The following WBP11 variants were observed in gnomAD, a reference collection of about 807,000 sequenced individuals.
WBP11 encodes WW domain binding protein 11.
In WBP11, 12 loss-of-function variants were observed where a neutral mutation model predicts 66.7. The ratio of observed to expected loss-of-function variants is 0.18; its 90% confidence interval spans 0.12 to 0.29. The LOEUF (loss-of-function observed/expected upper bound fraction) is 0.29, where lower values mean the gene tolerates loss of function less well. WBP11 is among the 10% of genes least tolerant of loss of function. WBP11 has a pLI of 1.00. For missense variants in WBP11, 555 were observed against 818.3 expected (o/e 0.68, Z 3.93); for synonymous variants, 255 against 273.8 (o/e 0.93, Z 0.68).
chr12:14,793,623 C>T (rs1436173926), intron 8 of WBP11, 108 bp downstream of exon 8: 3 of 1,343,734 alleles, frequency 2.2e-6, no homozygotes, highest in South Asian at 1.5e-5. Context: ...GCTATGATCC[C>T]GACTTCCAAA....
rs749762179 is a variant in WBP11, at chr12:14,787,133, G to A, written c.1858C>T (p.Pro620Ser). The A allele has an allele frequency of 1.2e-6, 2 of 1,613,658 alleles. No individual in the cohort carries two copies. The highest frequency in any genetic ancestry group is 2.2e-5 in the East Asian group (1 of 44,876). ...KAAPKSGPSV[P>S]VSVQTKDDVY... ...TCATCCTTAGTTTGTACTGAGACAGGAACAGAAGGACCAGATTTGGGTGCT... is the reference window on the plus strand; with the variant it reads ...TCATCCTTAGTTTGTACTGAGACAGAAACAGAAGGACCAGATTTGGGTGCT... The change falls in exon 12 of 12, where the codon CCT becomes TCT. Residue 620 changes from proline (P) to serine (S), a missense_variant. Physicochemically the swap from Pro to Ser is moderately conservative, Grantham distance 74. Coordinates refer to ENST00000261167, the MANE Select transcript of WBP11 (RefSeq NM_016312.3).
rs150386831 is a variant in WBP11 at position 14,790,525 on chromosome 12, C to G, written c.1240G>C (p.Gly414Arg). ...APPMPGPPPLGPPPAPPLRPP... is the reference protein window; with the variant it reads ...APPMPGPPPLRPPPAPPLRPP... ...CGTAATGGTGGAGCAGGTGGTGGTC[C>G]AAGAGGTGGTGGTCCTGGCATGGGA... Residue 414 changes from glycine (G) to arginine (R), a missense_variant, in exon 10 of 12, where the codon GGA becomes CGA. Physicochemically the swap from Gly to Arg is moderately radical, Grantham distance 125. Transcript: ENST00000261167. The G allele has an allele frequency of 6.8e-5, 109 of 1,613,818 alleles. No homozygotes were observed. Among genetic ancestry groups the G allele is most frequent in the Admixed American group, 2.3e-4 (14 of 59,996 alleles).
intron 6 of WBP11, 23 bp from the exon 7 acceptor site, chr12:14,794,759 C>CA: frequency 1.3e-6 from 2 of 1,530,820 alleles, no homozygotes; most frequent in Non-Finnish European, 8.7e-7. Flanking sequence ...AAAACAAAAA[C>CA]AAAAAAACCC....
In WBP11 at chr12:14,794,929, G is replaced by A. The variant is rs1949873097; in HGVS notation, c.521+42C>T. 5 of 1,612,018 alleles carry A rather than the reference G, an allele frequency of 3.1e-6. No individual in the cohort carries two copies. In the South Asian group the frequency reaches 5.5e-5, roughly 18 times the overall value. On this transcript the variant is annotated intron_variant, in intron 6 of 11. Transcript: ENST00000261167. ...TTTTGGCACTGGACAGTCAACTTGT[G>A]CCTTTACTAAATGCTCTCTGATTGT...
rs1949899968 is a variant in WBP11, at chr12:14,796,834, T to C, written c.360A>G (p.Gln120=). ...LEVEYEQKRA[Q]LSQYFDAVKN... ...TGACAGCATCAAAATATTGGCTAAGTTGAGCCCTCTTCTGTTCATATTCTA... is the reference window on the plus strand; with the variant it reads ...TGACAGCATCAAAATATTGGCTAAGCTGAGCCCTCTTCTGTTCATATTCTA... The change falls in exon 5 of 12, where the codon CAA becomes CAG. Residue 120 remains glutamine, a synonymous_variant. Transcript: ENST00000261167. This position sits in a 1 kb window ranked among gnomAD's most constrained non-coding sequence, Gnocchi z 4.5. 3 of 1,601,180 alleles carry C rather than the reference T, an allele frequency of 1.9e-6. No homozygotes were observed. Among genetic ancestry groups the C allele is most frequent in the East Asian group, 2.2e-5 (1 of 44,758 alleles).
Position 14,799,615 on chromosome 12 carries a change from G to T in WBP11, c.190+20C>A. 1 of 1,608,616 alleles carries T rather than the reference G, an allele frequency of 6.2e-7. No individual in the cohort carries two copies. Among genetic ancestry groups the T allele is most frequent in the Non-Finnish European group, 8.5e-7 (1 of 1,176,888 alleles). ...CTGTACGTGTCAGACTGTTATAGCT[G>T]CCTGTTTGTAAATTCTTACCCATTT... On this transcript the variant is annotated intron_variant, in intron 4 of 11. Transcript: ENST00000261167.
intron 10 of WBP11, 69 bp downstream of exon 10, chr12:14,790,387 C>T: frequency 3.3e-6 from 5 of 1,535,004 alleles, no homozygotes; most frequent in Non-Finnish European, 4.4e-6. Context: ...ACTAACAACA[C>T]ATAGTATTTT....
Position 14,794,977 on chromosome 12 carries a change from G to A in WBP11, c.515C>T (p.Ala172Val), listed in dbSNP as rs765952383. The change falls in exon 6 of 12, where the codon GCC becomes GTC. Residue 172 changes from alanine to valine, a missense_variant. Physicochemically the swap from Ala to Val is moderately conservative, Grantham distance 64. Coordinates refer to ENST00000261167, the MANE Select transcript of WBP11 (RefSeq NM_016312.3). ...QPPSILKKTSAYGPPTRAVSI... is the reference protein window; with the variant it reads ...QPPSILKKTSVYGPPTRAVSI... ...TGTGACACTGCTTCCTTACCCATAGGCTGAGGTTTTCTTTAGGATAGAGGG... is the reference window on the plus strand; with the variant it reads ...TGTGACACTGCTTCCTTACCCATAGACTGAGGTTTTCTTTAGGATAGAGGG... The A allele has an allele frequency of 1.1e-5, 17 of 1,612,038 alleles. No individual in the cohort carries two copies. The South Asian group carries it at 1.5e-4, about 15-fold the overall frequency.
chr12:14,791,567 T>C (rs1032476032), intron 8 of WBP11, among the ~76,000 whole-genome samples: 2 of 152,184 alleles, frequency 1.3e-5, no homozygotes, highest in Admixed American at 6.5e-5. Flanking sequence ...CAGCCAAACA[T>C]TAAGTTACAG....
chr12:14,787,002 T>C lies in WBP11; in HGVS notation c.*63A>G. 2.1e-6 allele frequency: 3 copies of C among 1,450,942 alleles called. No homozygotes were observed. The highest frequency in any genetic ancestry group is 2.8e-6 in the Non-Finnish European group (3 of 1,081,196). The allele number at this position is 1,450,942 out of a possible 1,614,324, so 89.9% of individuals were successfully genotyped here. ...AAGCAGCTCTTTCATCTAAGTTTAA[T>C]AAGAGCCTCTTTCTCCATGGGCCAC... On this transcript the variant is annotated 3_prime_UTR_variant, in exon 12 of 12. Transcript: ENST00000261167.
chr12:14,787,859 G>C (rs1442277175), intron 11 of WBP11, among the ~76,000 whole-genome samples: 2 of 152,204 alleles, frequency 1.3e-5, no homozygotes, highest in Non-Finnish European at 2.9e-5. Flanking sequence ...TCAGGAGACT[G>C]ATCCCCATGC....
intron 5 of WBP11, among the ~76,000 whole-genome samples, chr12:14,795,316 TG>T (rs1949879669): frequency 6.6e-6 from 1 of 152,228 alleles, no homozygotes; most frequent in African/African-American, 2.4e-5. Context: ...AGAACCCAGC[TG>T]TTTTTTTTCT....
rs908862302 is a variant in WBP11 at position 14,802,234 on chromosome 12, C to A, written c.-45-806G>T. On this transcript the variant is annotated intron_variant, in intron 1 of 11. Transcript: ENST00000261167. ...AACACAGTACCCTATTACATGACTT[C>A]TTCCTCTTATTCCAAAATAATGGGG... 2.0e-5 allele frequency among the ~76,000 whole-genome samples: 3 copies of A among 152,322 alleles called. No homozygotes were observed. In the East Asian group the frequency reaches 5.8e-4, roughly 29 times the overall value.
At position 14,788,935 on chromosome 12, in the gene WBP11, A is replaced by T; in HGVS notation, c.1492+16T>A. ...ACAGCAGGCTAAGTTTTTATTATAG[A>T]AATTGAAAGCATCACCTGGAGGTGC... On this transcript the variant is annotated intron_variant, in intron 11 of 11. Coordinates refer to ENST00000261167, the MANE Select transcript of WBP11 (RefSeq NM_016312.3). 1 of 1,390,474 alleles carries T rather than the reference A, an allele frequency of 7.2e-7. No homozygotes were observed. 86.1% of individuals were successfully genotyped at this position (1,390,474 alleles called of 1,614,324 possible). A position where few individuals can be genotyped will look rare whatever the true frequency, so the allele number is the denominator to read the frequency against.
chr12:14,799,251 A>G (rs887017855), intron 4 of WBP11, among the ~76,000 whole-genome samples: 2 of 152,138 alleles, frequency 1.3e-5, no homozygotes, highest in African/African-American at 4.8e-5. Flanking sequence ...AAATTGCCTT[A>G]TATTCACAGG....
chr12:14,793,996 A>T, intron 7 of WBP11, 74 bp from the exon 8 acceptor site: 1 of 1,178,136 alleles, frequency 8.5e-7, no homozygotes, highest in Non-Finnish European at 1.2e-6. Flanking sequence ...GAAATACAGA[A>T]AATTATGCTA....
In WBP11 at chr12:14,796,169, ATTT is replaced by A. The variant is rs1160260876; in HGVS notation, c.387+635_387+637del. ...AGCATGTTTTTGAGATTTACTCACA[ATTT>A]TTCTTTTTTTATTCCATGCTGTTTT... is the stretch of plus-strand genomic sequence containing the variant. On this transcript the variant is annotated intron_variant, in intron 5 of 11. Coordinates refer to ENST00000261167, the MANE Select transcript of WBP11 (RefSeq NM_016312.3). The surrounding 1 kb of genome is among the most constrained non-coding windows in gnomAD (Gnocchi z 4.5). 6.6e-6 allele frequency among the ~76,000 whole-genome samples: 1 copy of A among 151,854 alleles called. No homozygotes were observed. Among genetic ancestry groups the A allele is most frequent in the Non-Finnish European group, 1.5e-5 (1 of 67,972 alleles).
intron 8 of WBP11, among the ~76,000 whole-genome samples, chr12:14,793,099 T>C (rs1409219735): frequency 1.3e-5 from 2 of 152,156 alleles, no homozygotes; most frequent in Non-Finnish European, 2.9e-5. Context: ...TAATATTACA[T>C]AGTATTATAT....
At position 14,795,119 on chromosome 12, in the gene WBP11, C is replaced by G; in HGVS notation, c.388-15G>C. The stretch of plus-strand genomic sequence containing the variant: ...TGCTGAGCATTCTGAAACAGAGAAC[C>G]ATTCAGTAGTATGATAAAAAAGTCA... On this transcript the variant is annotated splice_polypyrimidine_tract_variant and intron_variant, in intron 5 of 11. Coordinates refer to ENST00000261167, the MANE Select transcript of WBP11 (RefSeq NM_016312.3). 1 of 1,564,596 alleles carries G rather than the reference C, an allele frequency of 6.4e-7. No homozygotes were observed. The highest frequency in any genetic ancestry group is 8.6e-7 in the Non-Finnish European group (1 of 1,159,888).
Sources: gnomAD v4.1 joint callset for allele counts (sites outside exome capture counted in the v4.1 genomes callset) on GRCh38, gnomAD v4.1.1 for gene constraint, Gnocchi (gnomAD v3.1) non-coding constraint, MANE v1.5 for transcripts, NCBI Gene and HGNC (gene_info 2026-07-23, HGNC 2026-07-21) for gene names.